The following ITPR1 variants were observed in gnomAD, a reference collection of about 807,000 sequenced individuals.
ITPR1 encodes inositol 1,4,5-trisphosphate-gated calcium channel ITPR1.
A neutral mutation model predicts 318.4 loss-of-function variants in ITPR1; 96 were observed. That is an observed-to-expected ratio of 0.30 (90% CI 0.26 to 0.36). ITPR1 has a LOEUF of 0.36. Among genes scored for constraint, ITPR1 ranks in the 10% least tolerant of loss-of-function variants. The pLI is 1.00. For missense variants in ITPR1, 2,440 were observed against 3,460.2 expected (o/e 0.71, Z 7.40); for synonymous variants, 1,312 against 1,289.9 (o/e 1.02, Z -0.37).
intron 4 of ITPR1, among the ~76,000 whole-genome samples, chr3:4,569,467 T>C (rs148142635): frequency 0.012 from 1,762 of 152,342 alleles, 32 homozygotes; most frequent in African/African-American, 0.04. Flanking sequence ...AAATGAATAT[T>C]GAGCGTCAAC....
chr3:4,636,578 G>A (rs537445599), intron 5 of ITPR1, among the ~76,000 whole-genome samples: 199 of 152,192 alleles, frequency 1.3e-3, no homozygotes, highest in Non-Finnish European at 2.3e-3. Context: ...ACAGGCGCCC[G>A]CCACCATGCC....
In ITPR1 at chr3:4,722,356, C is replaced by T. The variant is rs116982615; in HGVS notation, c.5137-3190C>T. Among the ~76,000 whole-genome samples the T allele has an allele frequency of 3.9e-5, 6 of 152,238 alleles. No individual in the cohort carries two copies. The East Asian group carries it at 7.7e-4, about 20-fold the overall frequency. On this transcript the variant is annotated intron_variant, in intron 40 of 61. Coordinates refer to ENST00000649015, the MANE Select transcript of ITPR1 (RefSeq NM_001378452.1). ...TTGACTGGAGGTGCCAGCGCCTGAA[C>T]GCAGTGACTGGTCCTGGGACTAAGC...
chr3:4,556,476 C>T (rs1156835023), intron 4 of ITPR1, among the ~76,000 whole-genome samples: 1 of 151,710 alleles, frequency 6.6e-6, no homozygotes, highest in African/African-American at 2.4e-5. Flanking sequence ...ATTCTTCCCT[C>T]CCCCCAACCC....
chr3:4,624,683 A>C lies in ITPR1; in HGVS notation c.164-3080A>C, dbSNP rs548844542. 2.7e-3 allele frequency among the ~76,000 whole-genome samples: 405 copies of C among 151,942 alleles called. 2 individuals carry two copies. Among genetic ancestry groups the C allele is most frequent in the African/African-American group, 9.3e-3 (384 of 41,410 alleles). On this transcript the variant is annotated intron_variant, in intron 4 of 61. Transcript: ENST00000649015. Reference sequence around the variant, plus strand: ...AGGCTCTGTCTCCAAAAAAAAAAAAAAAAAAAAAAAGATTAAACTATAATG... The same window carrying C: ...AGGCTCTGTCTCCAAAAAAAAAAAACAAAAAAAAAAGATTAAACTATAATG...
chr3:4,781,491 T>G (rs2046835338), intron 49 of ITPR1, among the ~76,000 whole-genome samples: 1 of 151,824 alleles, frequency 6.6e-6, no homozygotes, highest in Admixed American at 6.6e-5. Flanking sequence ...GACAGAAACT[T>G]GAGGGAACAA....
chr3:4,681,786 G>A (rs1216729845), intron 26 of ITPR1, among the ~76,000 whole-genome samples: 1 of 152,076 alleles, frequency 6.6e-6, no homozygotes, highest in African/African-American at 2.4e-5. Flanking sequence ...ACAGAGTGAA[G>A]TTAGTAAGAT....
intron 42 of ITPR1, among the ~76,000 whole-genome samples, 158 bp downstream of exon 42, chr3:4,727,331 T>G (rs536983403): frequency 1.2e-4 from 18 of 152,260 alleles, no homozygotes; most frequent in Admixed American, 5.2e-4. Flanking sequence ...TAAATGAAAC[T>G]AAATAGTGGT....
chr3:4,545,545 C>G (rs2084892086), intron 4 of ITPR1, among the ~76,000 whole-genome samples: 1 of 150,428 alleles, frequency 6.6e-6, no homozygotes, highest in South Asian at 2.1e-4. Flanking sequence ...ATCTCTGGAC[C>G]CTAGGAGACT....
chr3:4,783,842 G>T lies in ITPR1; in HGVS notation c.6537G>T (p.Gln2179His). The T allele has an allele frequency of 6.2e-7, 1 of 1,608,504 alleles. No individual in the cohort carries two copies. The highest frequency in any genetic ancestry group is 8.5e-7 in the Non-Finnish European group (1 of 1,177,528). The change falls in exon 51 of 62, where the codon CAG (glutamine) becomes CAT (histidine). Residue 2179 changes from glutamine (Q) to histidine (H), a missense_variant. Coordinates refer to ENST00000649015, the MANE Select transcript of ITPR1 (RefSeq NM_001378452.1). ...HQLARHNKEL[Q>H]SMLKPGGQVD... ...TGGCTCGGCATAACAAAGAACTTCA[G>T]AGCATGCTGAAACCTGGTGGCCAAG...
At chr3:4,518,274 G>C (rs2124921266) in intron 3 of ITPR1, among the ~76,000 whole-genome samples, 1 of 152,216 alleles carries the variant, frequency 6.6e-6, no homozygotes, top group East Asian at 1.9e-4. Context: ...GGTGCCTCCT[G>C]AGCCCCCGGG....
chr3:4,804,089 C>T (rs924416497), intron 54 of ITPR1, among the ~76,000 whole-genome samples: 3 of 152,130 alleles, frequency 2.0e-5, no homozygotes, highest in Middle Eastern at 3.2e-3. Flanking sequence ...CCAGGCTGGT[C>T]GCGAACTCCT....
intron 33 of ITPR1, among the ~76,000 whole-genome samples, chr3:4,694,610 C>T (rs1259757794): frequency 1.3e-5 from 2 of 152,184 alleles, no homozygotes; most frequent in Non-Finnish European, 2.9e-5. Context: ...CTATATGGTA[C>T]AGCCTCTTGC....
At chr3:4,802,720 T>C (rs1207513153) in intron 54 of ITPR1, among the ~76,000 whole-genome samples, 1 of 151,814 alleles carries the variant, frequency 6.6e-6, no homozygotes, top group Non-Finnish European at 1.5e-5. Flanking sequence ...TCCCAGCTAC[T>C]TGGGAGGCTG....
intron 46 of ITPR1, among the ~76,000 whole-genome samples, chr3:4,769,981 A>G (rs1212879846): frequency 1.3e-5 from 2 of 152,100 alleles, no homozygotes; most frequent in Non-Finnish European, 2.9e-5. Context: ...GGACCTAGGG[A>G]AACCACCCCC....
At chr3:4,734,457 G>C (rs2043137280) in intron 43 of ITPR1, among the ~76,000 whole-genome samples, 1 of 152,188 alleles carries the variant, frequency 6.6e-6, no homozygotes, top group Non-Finnish European at 1.5e-5. Flanking sequence ...TGCACGAAAG[G>C]ACAGATAGAC....
chr3:4,744,305 C>A (rs2043922737), intron 44 of ITPR1, among the ~76,000 whole-genome samples: 1 of 152,200 alleles, frequency 6.6e-6, no homozygotes, highest in Admixed American at 6.5e-5. Context: ...TCCAGATATT[C>A]CTTATTTCTT....
chr3:4,618,390 C>T (rs956147175), intron 4 of ITPR1, among the ~76,000 whole-genome samples: 2 of 152,184 alleles, frequency 1.3e-5, no homozygotes, highest in African/African-American at 4.8e-5. Flanking sequence ...TTTTAAATAA[C>T]ATTTGTCAAC....
chr3:4,837,009 C>G lies in ITPR1; in HGVS notation c.8190+74C>G, dbSNP rs1409286216. On this transcript the variant is annotated intron_variant, in intron 61 of 61. Transcript: ENST00000649015. The stretch of plus-strand genomic sequence containing the variant: ...CACACCCACTATCACCACACCAAAT[C>G]TGATGAGGAAAATCAGTAGTGCTTC... 6 of 1,308,976 alleles carry G rather than the reference C, an allele frequency of 4.6e-6. No individual in the cohort carries two copies. In the African/African-American group the frequency reaches 5.9e-5, roughly 13 times the overall value. 81.1% of individuals were successfully genotyped at this position (1,308,976 alleles called of 1,614,324 possible). A position where few individuals can be genotyped will look rare whatever the true frequency, so the allele number is the denominator to read the frequency against.
At chr3:4,792,271 G>A (rs1237810160) in intron 52 of ITPR1, among the ~76,000 whole-genome samples, 1 of 152,200 alleles carries the variant, frequency 6.6e-6, no homozygotes, top group Non-Finnish European at 1.5e-5. Context: ...CCTTTTGCTA[G>A]GTTAGGTAGC....
Sources: allele counts gnomAD v4.1 joint callset (sites outside exome capture counted in the v4.1 genomes callset), GRCh38; gene constraint gnomAD v4.1.1; transcripts MANE v1.5; gene names NCBI Gene and HGNC (gene_info 2026-07-23, HGNC 2026-07-21).